The following SLC35F4 variants were observed in gnomAD, a reference collection of about 807,000 sequenced individuals.
SLC35F4 encodes chromosome 14 open reading frame 36.
Under a neutral mutation model 44.2 loss-of-function variants are expected in SLC35F4, and 24 were observed. The ratio of observed to expected loss-of-function variants is 0.54; its 90% CI spans 0.39 to 0.76. The LOEUF (loss-of-function observed/expected upper bound fraction) is 0.76, where lower values mean the gene tolerates loss of function less well. Ranked by LOEUF, SLC35F4 falls within the 30% of genes least tolerant of loss-of-function variation. SLC35F4 has a pLI of 0.00. For synonymous variants in SLC35F4, 238 were observed against 223.6 expected, an observed-to-expected ratio of 1.06 and a Z score of -0.57; for missense variants, 562 against 586.1, an observed-to-expected ratio of 0.96 and a Z score of 0.42.
chr14:57,873,610 T>A (rs1240142811), intron 1 of SLC35F4, among the ~76,000 whole-genome samples: 5 of 152,190 alleles, frequency 3.3e-5, no homozygotes, highest in South Asian at 2.1e-4. Flanking sequence ...ACATATTTTT[T>A]AATGCAGGGG....
intron 1 of SLC35F4, among the ~76,000 whole-genome samples, chr14:57,733,367 A>C (rs2076390330): frequency 6.7e-6 from 1 of 149,392 alleles, no homozygotes; most frequent in Non-Finnish European, 1.5e-5. Flanking sequence ...CTTTAAAAAA[A>C]AAAAAAAAAA....
intron 1 of SLC35F4, among the ~76,000 whole-genome samples, chr14:57,684,930 C>G (rs2075024206): frequency 6.6e-6 from 1 of 152,106 alleles, no homozygotes; most frequent in Non-Finnish European, 1.5e-5. Flanking sequence ...GGGTTTAGCT[C>G]CAGTCATGGG....
At chr14:57,601,556 T>A (rs1300815659) in intron 1 of SLC35F4, among the ~76,000 whole-genome samples, 1 of 152,176 alleles carries the variant, frequency 6.6e-6, no homozygotes, top group East Asian at 1.9e-4. Context: ...AGAGAGAACA[T>A]GTAGTATTTG....
chr14:57,960,954 A>G (rs932485), intron 1 of SLC35F4, among the ~76,000 whole-genome samples: 80,504 of 151,854 alleles, frequency 0.53, 22,647 homozygotes, highest in East Asian at 0.79. Context: ...CCTTTCTGCA[A>G]GACCCTGAAC....
chr14:57,716,452 A>G (rs1043962441), intron 1 of SLC35F4, among the ~76,000 whole-genome samples: 5 of 152,216 alleles, frequency 3.3e-5, no homozygotes, highest in Non-Finnish European at 5.9e-5. Flanking sequence ...TAGCGTTCCA[A>G]TAATAGAACA....
intron 1 of SLC35F4, among the ~76,000 whole-genome samples, chr14:57,955,173 C>T (rs771874154): frequency 2.0e-5 from 3 of 151,970 alleles, no homozygotes; most frequent in Non-Finnish European, 4.4e-5. Context: ...ATCACATAAA[C>T]AGGACCAATG....
chr14:57,603,419 C>G (rs8004956), intron 1 of SLC35F4, among the ~76,000 whole-genome samples: 58,150 of 152,098 alleles, frequency 0.38, 11,678 homozygotes, highest in Admixed American at 0.47. Context: ...GGAGTTCCCC[C>G]TCCCTCATTA....
At chr14:57,955,701 G>A (rs978929579) in intron 1 of SLC35F4, among the ~76,000 whole-genome samples, 6 of 151,792 alleles carry the variant, frequency 4.0e-5, no homozygotes, top group African/African-American at 1.4e-4. Context: ...TTGCTACAAA[G>A]AGAATAAAAT....
intron 1 of SLC35F4, among the ~76,000 whole-genome samples, chr14:57,734,096 G>C (rs181906854): frequency 9.2e-5 from 14 of 152,286 alleles, no homozygotes; most frequent in African/African-American, 3.1e-4. Context: ...TGGGGGGAAA[G>C]CTGTCTTATG....
rs149864251 is a variant in SLC35F4, at chr14:57,687,071, G to T, written c.104-92947C>A. Among the ~76,000 whole-genome samples the T allele has an allele frequency of 6.6e-3, 1,004 of 152,262 alleles. 5 individuals are homozygous for T. The highest frequency in any genetic ancestry group is 0.015 in the South Asian group (74 of 4,802). On this transcript the variant is annotated intron_variant, in intron 1 of 7. Transcript: ENST00000556826. The stretch of plus-strand genomic sequence containing the variant: ...GACTAAGTGAAGACACAGTGAGAAG[G>T]TTGCCATCTACAAGCCTAGGAGAGA...
At chr14:57,744,939 C>A (rs2076715915) in intron 1 of SLC35F4, among the ~76,000 whole-genome samples, 1 of 152,140 alleles carries the variant, frequency 6.6e-6, no homozygotes, top group Non-Finnish European at 1.5e-5. Context: ...TAATACCACA[C>A]ATCTACTAAC....
intron 1 of SLC35F4, among the ~76,000 whole-genome samples, chr14:57,614,805 A>G (rs2071715450): frequency 6.6e-6 from 1 of 152,230 alleles, no homozygotes; most frequent in Non-Finnish European, 1.5e-5. Context: ...TAGATCAGCC[A>G]TGAAGATAGC....
intron 1 of SLC35F4, among the ~76,000 whole-genome samples, chr14:57,735,392 A>G (rs907573266): frequency 2.8e-4 from 43 of 152,162 alleles, no homozygotes; most frequent in African/African-American, 9.2e-4. Context: ...TGGAGCTGTT[A>G]CTTTGCTGGT....
intron 1 of SLC35F4, among the ~76,000 whole-genome samples, chr14:57,616,620 T>G (rs956331779): frequency 3.3e-5 from 5 of 152,214 alleles, no homozygotes; most frequent in Admixed American, 3.3e-4. Context: ...ATTTGAGATT[T>G]TCTCCAGGCT....
intron 3 of SLC35F4, among the ~76,000 whole-genome samples, chr14:57,586,039 A>C (rs1436461014): frequency 2.6e-5 from 4 of 152,204 alleles, no homozygotes; most frequent in African/African-American, 9.7e-5. Context: ...AAGTAAAAAG[A>C]ACAAAGCTGG....
intron 1 of SLC35F4, among the ~76,000 whole-genome samples, chr14:57,917,397 G>T (rs1889350644): frequency 6.6e-6 from 1 of 151,920 alleles, no homozygotes. Context: ...CTTGCATGTT[G>T]TCTACCTTTT....
At chr14:57,945,677 A>C (rs944307676) in intron 1 of SLC35F4, among the ~76,000 whole-genome samples, 1 of 152,046 alleles carries the variant, frequency 6.6e-6, no homozygotes, top group East Asian at 1.9e-4. Flanking sequence ...TTCTACTTTT[A>C]GTTCTTTAAG....
chr14:57,597,293 T>G (rs148676824), intron 1 of SLC35F4, among the ~76,000 whole-genome samples: 124 of 152,322 alleles, frequency 8.1e-4, no homozygotes, highest in African/African-American at 2.9e-3. Flanking sequence ...TCCCCTATCC[T>G]TCTTAAAGAC....
chr14:57,839,698 C>T (rs1184782882), intron 1 of SLC35F4, among the ~76,000 whole-genome samples: 1 of 151,996 alleles, frequency 6.6e-6, no homozygotes, highest in African/African-American at 2.4e-5. Flanking sequence ...ACCACCATGG[C>T]ACATGTTTAC....
Sources: allele counts gnomAD v4.1 joint callset (sites outside exome capture counted in the v4.1 genomes callset), GRCh38; gene constraint gnomAD v4.1.1; transcripts MANE v1.5; gene names NCBI Gene and HGNC (gene_info 2026-07-23, HGNC 2026-07-21).